The following GSK3B variants were observed in gnomAD, a reference collection of about 807,000 sequenced individuals.
GSK3B encodes the protein glycogen synthase kinase-3 beta.
GSK3B carries 15 observed loss-of-function variants against 56.4 expected under a neutral mutation model. The ratio of observed to expected loss-of-function variants is 0.27; its 90% CI spans 0.18 to 0.41. GSK3B has a LOEUF of 0.41. Among genes scored for constraint, GSK3B ranks in the 10% least tolerant of loss-of-function variants. GSK3B has a pLI of 1.00. For synonymous variants in GSK3B, 181 were observed against 188.9 expected, an observed-to-expected ratio of 0.96 and a Z score of 0.34; for missense variants, 300 against 513.4, an observed-to-expected ratio of 0.58 and a Z score of 4.02.
chr3:119,864,024 G>A (rs748625711), intron 8 of GSK3B, among the ~76,000 whole-genome samples: 23 of 152,022 alleles, frequency 1.5e-4, no homozygotes, highest in Admixed American at 7.2e-4. Context: ...AGCACTGTTC[G>A]AAAACTTGGC....
chr3:120,061,619 G>T (rs2058237763), intron 1 of GSK3B, among the ~76,000 whole-genome samples: 1 of 152,070 alleles, frequency 6.6e-6, no homozygotes, highest in Non-Finnish European at 1.5e-5. Context: ...AAACAGTCAG[G>T]TATATCTAAG....
At chr3:119,979,113 G>A (rs2057436783) in intron 2 of GSK3B, among the ~76,000 whole-genome samples, 1 of 152,044 alleles carries the variant, frequency 6.6e-6, no homozygotes, top group Non-Finnish European at 1.5e-5. Flanking sequence ...ACACAGCCTG[G>A]CCCCAAAACA....
chr3:120,029,129 T>G (rs901824583), intron 1 of GSK3B: 2 of 720,104 alleles, frequency 2.8e-6, no homozygotes, highest in African/African-American at 1.8e-5. Flanking sequence ...CAGAGTTATT[T>G]TGATGATATA....
At chr3:119,879,143 T>C (rs973643045) in intron 7 of GSK3B, among the ~76,000 whole-genome samples, 3 of 152,132 alleles carry the variant, frequency 2.0e-5, no homozygotes, top group African/African-American at 7.2e-5. Context: ...TCAGGGTAAA[T>C]GTGGTATCCA....
intron 2 of GSK3B, among the ~76,000 whole-genome samples, chr3:119,996,914 A>G (rs1659261262): frequency 6.6e-6 from 1 of 152,144 alleles, no homozygotes; most frequent in Admixed American, 6.5e-5. Context: ...AAAAAATCAC[A>G]ATGTTAAAAC....
intron 2 of GSK3B, among the ~76,000 whole-genome samples, chr3:119,948,504 C>T (rs1315066828): frequency 2.6e-5 from 4 of 152,020 alleles, no homozygotes; most frequent in African/African-American, 7.2e-5. Context: ...GTAAAAGTAA[C>T]GGAAACAGAA....
chr3:120,013,431 T>A (rs1027433617), intron 1 of GSK3B, among the ~76,000 whole-genome samples: 1 of 152,158 alleles, frequency 6.6e-6, no homozygotes, highest in African/African-American at 2.4e-5. Flanking sequence ...TTAGAGAATA[T>A]GAATAAGGTG....
chr3:119,848,864 T>TA (rs1254235256), intron 9 of GSK3B, among the ~76,000 whole-genome samples: 1 of 152,194 alleles, frequency 6.6e-6, no homozygotes, highest in East Asian at 1.9e-4. Context: ...TGAGAAAATT[T>TA]AGTCCAGCTC....
At chr3:119,935,546 C>A (rs1049423103) in intron 3 of GSK3B, among the ~76,000 whole-genome samples, 4 of 152,128 alleles carry the variant, frequency 2.6e-5, no homozygotes, top group Non-Finnish European at 5.9e-5. Context: ...TATATACCAG[C>A]AATTTCAAAC....
At chr3:119,921,405 C>T (rs146699348) in intron 4 of GSK3B, among the ~76,000 whole-genome samples, 2,232 of 152,218 alleles carry the variant, frequency 0.015, 21 homozygotes, top group South Asian at 0.038. Flanking sequence ...TGGCTACTAA[C>T]GTCAGGAAAA....
At chr3:119,895,544 G>A (rs2056553393) in intron 7 of GSK3B, among the ~76,000 whole-genome samples, 1 of 152,090 alleles carries the variant, frequency 6.6e-6, no homozygotes, top group Non-Finnish European at 1.5e-5. Context: ...TAACAACAGT[G>A]TACAAGGATT....
chr3:120,033,705 C>T (rs917004233), intron 1 of GSK3B, among the ~76,000 whole-genome samples: 1 of 152,018 alleles, frequency 6.6e-6, no homozygotes, highest in Non-Finnish European at 1.5e-5. Flanking sequence ...CAGACTTCCC[C>T]CTTGCTGTTC....
intron 1 of GSK3B, among the ~76,000 whole-genome samples, chr3:120,044,257 T>A (rs990855303): frequency 3.3e-5 from 5 of 152,190 alleles, no homozygotes; most frequent in African/African-American, 9.7e-5. Flanking sequence ...ACCTTGTGTC[T>A]CTCACGGAAT....
At chr3:119,906,253 A>C (rs1427588385) in intron 6 of GSK3B, among the ~76,000 whole-genome samples, 1 of 152,068 alleles carries the variant, frequency 6.6e-6, no homozygotes, top group African/African-American at 2.4e-5. Context: ...GAAAGGTTCA[A>C]TCTCTCCCAG....
At chr3:120,077,385 GA>G (rs1256759094) in intron 1 of GSK3B, among the ~76,000 whole-genome samples, 1 of 151,936 alleles carries the variant, frequency 6.6e-6, no homozygotes, top group East Asian at 1.9e-4. Flanking sequence ...ACTATACACA[GA>G]AAAAAATATA....
At chr3:119,961,737 T>C (rs1394644993) in intron 2 of GSK3B, among the ~76,000 whole-genome samples, 1 of 149,398 alleles carries the variant, frequency 6.7e-6, no homozygotes, top group Non-Finnish European at 1.5e-5. Flanking sequence ...CTCAACAAAA[T>C]AAAAGTTATA....
chr3:119,948,432 T>A (rs2057121760), intron 2 of GSK3B, among the ~76,000 whole-genome samples: 1 of 152,228 alleles, frequency 6.6e-6, no homozygotes, highest in African/African-American at 2.4e-5. Flanking sequence ...GTTGGGCTTA[T>A]GTGTACAATG....
chr3:119,976,806 T>C (rs2057413446), intron 2 of GSK3B, among the ~76,000 whole-genome samples: 1 of 146,156 alleles, frequency 6.8e-6, no homozygotes, highest in Admixed American at 6.8e-5. Context: ...TTAGTGAAAC[T>C]AGTCAAAAGA....
chr3:119,826,784 C>G lies in GSK3B; in HGVS notation c.*4G>C, dbSNP rs1232892264. ...TTCCTGTGCAGCTGGCTGCTCGGGA[C>G]TGTTCAGGTGGAGTTGGAAGCTGAT... On this transcript the variant is annotated 3_prime_UTR_variant, in exon 11 of 11. Transcript: ENST00000264235. 2 of 1,604,868 alleles carry G rather than the reference C, an allele frequency of 1.2e-6. No individual in the cohort carries two copies. The highest frequency in any genetic ancestry group is 3.3e-5 in the Admixed American group (2 of 60,002).
Sources: gnomAD v4.1 joint callset for allele counts (sites outside exome capture counted in the v4.1 genomes callset) on GRCh38, gnomAD v4.1.1 for gene constraint, MANE v1.5 for transcripts, NCBI Gene and HGNC (gene_info 2026-07-23, HGNC 2026-07-21) for gene names.